The following RANBP10 variants were observed in gnomAD, a reference collection of about 807,000 sequenced individuals.
The protein encoded by RANBP10 is RAN binding protein 10, also known as ran-binding protein 10.
In RANBP10, 24 loss-of-function variants were observed where a neutral mutation model predicts 72.8. The ratio of observed to expected loss-of-function variants is 0.33; its 90% CI spans 0.24 to 0.46. RANBP10 has a LOEUF of 0.46. Ranked by LOEUF, RANBP10 falls within the 20% of genes least tolerant of loss-of-function variation. The probability of loss-of-function intolerance (pLI) is 1.00; values close to 1 mark genes in which losing one functional copy is unlikely to be tolerated. For missense variants in RANBP10, 679 were observed against 817.5 expected (o/e 0.83, Z 2.07); for synonymous variants, 310 against 322.3 (o/e 0.96, Z 0.41).
intron 4 of RANBP10, among the ~76,000 whole-genome samples, chr16:67,740,122 A>T (rs762484797): frequency 2.2e-5 from 3 of 136,692 alleles, no homozygotes; most frequent in Non-Finnish European, 3.1e-5. Flanking sequence ...TTTTTCCCTG[A>T]GACGGAGTCT....
At chr16:67,765,499 C>A (rs895178086) in intron 3 of RANBP10, among the ~76,000 whole-genome samples, 15 of 152,074 alleles carry the variant, frequency 9.9e-5, no homozygotes, top group Admixed American at 3.3e-4. Context: ...TGCACTCCAG[C>A]TTGGGCAACA....
intron 5 of RANBP10, among the ~76,000 whole-genome samples, chr16:67,736,589 C>T (rs1306098959): frequency 6.6e-6 from 1 of 152,208 alleles, no homozygotes; most frequent in Non-Finnish European, 1.5e-5. Flanking sequence ...CCACCACAGG[C>T]AAGGCCCGCC....
rs2055073804 is a variant in RANBP10 at position 67,793,679 on chromosome 16, C to T, written c.347+11749G>A. Among the ~76,000 whole-genome samples the T allele has an allele frequency of 3.9e-5, 6 of 152,142 alleles. No homozygotes were observed. The South Asian group carries it at 1.2e-3, about 32-fold the overall frequency. On this transcript the variant is annotated intron_variant, in intron 2 of 13. Transcript: ENST00000317506. ...ACATTATTTAAGTAGCCTAGTCCACCACTACATGAAAATTCTAAGTCTTGA... is the reference window on the plus strand; with the variant it reads ...ACATTATTTAAGTAGCCTAGTCCACTACTACATGAAAATTCTAAGTCTTGA...
intron 3 of RANBP10, among the ~76,000 whole-genome samples, chr16:67,757,794 G>C (rs1219925316): frequency 6.6e-6 from 1 of 152,182 alleles, no homozygotes; most frequent in East Asian, 1.9e-4. Context: ...TAGAACCAAG[G>C]AACAGGACCA....
intron 4 of RANBP10, among the ~76,000 whole-genome samples, chr16:67,741,732 A>G (rs2053973172): frequency 6.6e-6 from 1 of 152,236 alleles, no homozygotes; most frequent in African/African-American, 2.4e-5. Flanking sequence ...GAGATGGCAC[A>G]TGACTAAGAA....
At chr16:67,791,735 G>A (rs2055032010) in intron 2 of RANBP10, among the ~76,000 whole-genome samples, 1 of 152,088 alleles carries the variant, frequency 6.6e-6, no homozygotes, top group Non-Finnish European at 1.5e-5. Context: ...GAAATCAACA[G>A]CCTCTACATC....
intron 4 of RANBP10, among the ~76,000 whole-genome samples, chr16:67,740,501 C>T (rs1050156535): frequency 1.3e-5 from 2 of 152,060 alleles, no homozygotes; most frequent in African/African-American, 4.8e-5. Context: ...TATCCAACCC[C>T]TGCCCAGAAA....
At chr16:67,758,658 G>C (rs1403235667) in intron 3 of RANBP10, among the ~76,000 whole-genome samples, 1 of 152,206 alleles carries the variant, frequency 6.6e-6, no homozygotes, top group Non-Finnish European at 1.5e-5. Flanking sequence ...TCTGTTTTCA[G>C]ACACTGACAA....
chr16:67,760,087 G>A (rs565954111), intron 3 of RANBP10, among the ~76,000 whole-genome samples: 4 of 144,592 alleles, frequency 2.8e-5, no homozygotes, highest in Admixed American at 6.9e-5. Context: ...GTGACAGAGC[G>A]AGACTCCGTC....
At position 67,780,621 on chromosome 16, in the gene RANBP10, G is replaced by C. The variant is rs1206945964; in HGVS notation, c.348-8535C>G. Among the ~76,000 whole-genome samples, 7 of 152,330 alleles carry C rather than the reference G, an allele frequency of 4.6e-5. No homozygotes were observed. In the South Asian group the frequency reaches 1.2e-3, roughly 27 times the overall value. ...AAAGGGTACAGCTGATCAAACAGCT[G>C]ATATTTGAAAAATGGATTGAAGAAC... On this transcript the variant is annotated intron_variant, in intron 2 of 13. Coordinates refer to ENST00000317506, the MANE Select transcript of RANBP10 (RefSeq NM_020850.3).
intron 5 of RANBP10, 102 bp downstream of exon 5, chr16:67,737,911 G>GA (rs2053886224): frequency 7.0e-7 from 1 of 1,434,540 alleles, no homozygotes; most frequent in African/African-American, 1.4e-5. Context: ...CCTGGTTGGG[G>GA]AAAGAACCAG....
intron 2 of RANBP10, among the ~76,000 whole-genome samples, chr16:67,776,547 C>T (rs531016639): frequency 6.8e-6 from 1 of 147,604 alleles, no homozygotes; most frequent in East Asian, 2.0e-4. Flanking sequence ...CTAAGACAGG[C>T]AGATCACCTG....
chr16:67,766,884 G>A (rs1023543259), intron 3 of RANBP10, among the ~76,000 whole-genome samples: 1 of 152,136 alleles, frequency 6.6e-6, no homozygotes, highest in Non-Finnish European at 1.5e-5. Flanking sequence ...TTCCCAGGGA[G>A]AAGTGGTATC....
At chr16:67,792,965 G>C (rs1283392046) in intron 2 of RANBP10, among the ~76,000 whole-genome samples, 1 of 151,912 alleles carries the variant, frequency 6.6e-6, no homozygotes, top group East Asian at 1.9e-4. Context: ...GGTGGCCCTA[G>C]GCAGGTTACA....
intron 3 of RANBP10, among the ~76,000 whole-genome samples, chr16:67,771,174 G>A (rs891139060): frequency 2.6e-5 from 4 of 151,508 alleles, no homozygotes; most frequent in East Asian, 1.9e-4. Context: ...AGGATCACCT[G>A]AGTCTGGGAG....
In RANBP10 at chr16:67,780,290, A is replaced by G. The variant is rs923867278; in HGVS notation, c.348-8204T>C. Reference sequence around the variant, plus strand: ...AATGTGAAAAGGCATAGAGGCAAGAAAGCAGCCACGTGGTTGGGGAACTAA... The same window carrying G: ...AATGTGAAAAGGCATAGAGGCAAGAGAGCAGCCACGTGGTTGGGGAACTAA... On this transcript the variant is annotated intron_variant, in intron 2 of 13. Coordinates refer to ENST00000317506, the MANE Select transcript of RANBP10 (RefSeq NM_020850.3). Among the ~76,000 whole-genome samples, 9 of 152,166 alleles carry G rather than the reference A, an allele frequency of 5.9e-5. No individual in the cohort carries two copies. In the East Asian group the frequency reaches 1.5e-3, roughly 26 times the overall value.
chr16:67,777,341 CCTGA>C (rs2054725461), intron 2 of RANBP10, among the ~76,000 whole-genome samples: 1 of 151,922 alleles, frequency 6.6e-6, no homozygotes, highest in Non-Finnish European at 1.5e-5. Context: ...TTGAGACCAT[CCTGA>C]CTAACATGGT....
chr16:67,743,529 C>T (rs1042339384), intron 4 of RANBP10, among the ~76,000 whole-genome samples: 1 of 152,224 alleles, frequency 6.6e-6, no homozygotes, highest in Non-Finnish European at 1.5e-5. Context: ...TACAGGAACG[C>T]TCCTTCCAGG....
intron 3 of RANBP10, among the ~76,000 whole-genome samples, chr16:67,769,775 A>G (rs2054576392): frequency 6.7e-6 from 1 of 148,768 alleles, no homozygotes; most frequent in African/African-American, 2.5e-5. Flanking sequence ...AAAAAAAAAA[A>G]AGAGTCCTTA....
Sources: gnomAD v4.1 joint callset for allele counts (sites outside exome capture counted in the v4.1 genomes callset) on GRCh38, gnomAD v4.1.1 for gene constraint, MANE v1.5 for transcripts, NCBI Gene and HGNC (gene_info 2026-07-23, HGNC 2026-07-21) for gene names.